Variants in CEP112 observed in about 807,000 individuals in gnomAD.
CEP112 encodes centrosomal protein 112.
A neutral mutation model predicts 153.0 loss-of-function variants in CEP112; 127 were observed. The ratio of observed to expected loss-of-function variants is 0.83; its 90% CI spans 0.72 to 0.96. The LOEUF is 0.96. CEP112 is among the 40% of genes least tolerant of loss of function. CEP112 has a pLI of 0.00. For synonymous variants in CEP112, 358 were observed against 374.4 expected, an observed-to-expected ratio of 0.96 and a Z score of 0.51; for missense variants, 1,089 against 1,101.2, an observed-to-expected ratio of 0.99 and a Z score of 0.16.
At chr17:65,776,090 A>G (rs963487771) in intron 21 of CEP112, among the ~76,000 whole-genome samples, 6 of 152,210 alleles carry the variant, frequency 3.9e-5, no homozygotes, top group African/African-American at 1.4e-4. Flanking sequence ...GTCTCACACA[A>G]GTCGCTGGAC....
chr17:65,970,275 G>A lies in CEP112; in HGVS notation c.1737-8677C>T, dbSNP rs1302064198. Among the ~76,000 whole-genome samples, 3 of 151,594 alleles carry A rather than the reference G, an allele frequency of 2.0e-5. No homozygotes were observed. In the East Asian group the frequency reaches 5.9e-4, roughly 30 times the overall value. On this transcript the variant is annotated intron_variant, in intron 17 of 26. Coordinates refer to ENST00000535342, the MANE Select transcript of CEP112 (RefSeq NM_001199165.4). The stretch of plus-strand genomic sequence containing the variant: ...CATGTTGCACACATATTACATGCAT[G>A]TATGTAGCATGGATGTCATACTGCA...
At chr17:65,678,564 T>C (rs908770212) in intron 24 of CEP112, among the ~76,000 whole-genome samples, 1 of 152,176 alleles carries the variant, frequency 6.6e-6, no homozygotes, top group Non-Finnish European at 1.5e-5. Flanking sequence ...ATTCTAAGAA[T>C]AGAAGATGAG....
chr17:66,151,519 C>T (rs1170292997), intron 4 of CEP112, among the ~76,000 whole-genome samples: 1 of 152,078 alleles, frequency 6.6e-6, no homozygotes, highest in Admixed American at 6.5e-5. Context: ...AAACAGAATC[C>T]GACAAAAGTG....
At chr17:65,935,851 A>C (rs1283772862) in intron 18 of CEP112, among the ~76,000 whole-genome samples, 1 of 152,036 alleles carries the variant, frequency 6.6e-6, no homozygotes, top group African/African-American at 2.4e-5. Flanking sequence ...GAACTAAAAA[A>C]AAGGAAAAAT....
intron 4 of CEP112, among the ~76,000 whole-genome samples, chr17:66,142,835 T>A (rs2070765432): frequency 6.6e-6 from 1 of 152,166 alleles, no homozygotes; most frequent in African/African-American, 2.4e-5. Flanking sequence ...CTATTTGGAG[T>A]CTTTTGTGAT....
intron 4 of CEP112, among the ~76,000 whole-genome samples, chr17:66,152,987 C>T (rs527556726): frequency 2.6e-4 from 40 of 152,256 alleles, no homozygotes; most frequent in South Asian, 8.3e-4. Flanking sequence ...TGAGATACCA[C>T]TGCATACCAA....
chr17:65,865,064 C>A (rs1258216929), intron 20 of CEP112, among the ~76,000 whole-genome samples: 2 of 151,544 alleles, frequency 1.3e-5, no homozygotes. Context: ...TTTTTTGAGA[C>A]AGGGTCTCAC....
intron 12 of CEP112, among the ~76,000 whole-genome samples, chr17:66,052,339 T>C (rs1156993102): frequency 6.6e-6 from 1 of 152,160 alleles, no homozygotes; most frequent in East Asian, 1.9e-4. Context: ...TTTGTATCAG[T>C]AACAAGACTG....
At chr17:65,914,319 A>G (rs970604849) in intron 19 of CEP112, among the ~76,000 whole-genome samples, 6 of 151,342 alleles carry the variant, frequency 4.0e-5, no homozygotes, top group Non-Finnish European at 7.4e-5. Flanking sequence ...TAAGTTTGCC[A>G]GCTACAGTTC....
intron 24 of CEP112, among the ~76,000 whole-genome samples, chr17:65,650,850 G>A (rs2045730169): frequency 6.6e-6 from 1 of 151,734 alleles, no homozygotes; most frequent in African/African-American, 2.4e-5. Context: ...GGAGGTTGCA[G>A]TGAGCCAAGA....
intron 8 of CEP112, among the ~76,000 whole-genome samples, chr17:66,076,528 AT>A (rs1421273975): frequency 6.6e-6 from 1 of 152,024 alleles, no homozygotes; most frequent in African/African-American, 2.4e-5. Flanking sequence ...CCTCACCCCT[AT>A]CCCCCACAGC....
chr17:66,012,982 T>G (rs1383149699), intron 16 of CEP112, among the ~76,000 whole-genome samples: 2 of 152,220 alleles, frequency 1.3e-5, no homozygotes, highest in African/African-American at 2.4e-5. Context: ...CTTCAAGTTC[T>G]GATATTCTTT....
chr17:65,806,620 G>A (rs764622096), intron 21 of CEP112, among the ~76,000 whole-genome samples: 1 of 152,210 alleles, frequency 6.6e-6, no homozygotes, highest in African/African-American at 2.4e-5. Flanking sequence ...TCTTGTGATA[G>A]TGAGTGAGTT....
intron 4 of CEP112, among the ~76,000 whole-genome samples, chr17:66,170,726 G>A (rs1028623353): frequency 1.4e-4 from 22 of 151,744 alleles, no homozygotes; most frequent in Non-Finnish European, 2.5e-4. Flanking sequence ...CTGTGCCACT[G>A]TACTCTAGCC....
At chr17:66,059,592 A>G (rs2066841366) in intron 11 of CEP112, among the ~76,000 whole-genome samples, 1 of 152,234 alleles carries the variant, frequency 6.6e-6, no homozygotes, top group African/African-American at 2.4e-5. Flanking sequence ...TCAAAACCAC[A>G]ATGAGATACC....
intron 4 of CEP112, among the ~76,000 whole-genome samples, chr17:66,159,872 A>G (rs1045668399): frequency 6.6e-6 from 1 of 152,200 alleles, no homozygotes; most frequent in Non-Finnish European, 1.5e-5. Context: ...AAGAGAAAGA[A>G]ATAAAGGGTA....
At chr17:66,060,940 G>A (rs1346067844) in intron 11 of CEP112, among the ~76,000 whole-genome samples, 1 of 127,770 alleles carries the variant, frequency 7.8e-6, no homozygotes, top group Non-Finnish European at 1.8e-5. Flanking sequence ...AAAAGCTTCT[G>A]CATGGAAAAA....
At chr17:65,639,916 C>T (rs927962523) in intron 25 of CEP112, among the ~76,000 whole-genome samples, 1 of 141,864 alleles carries the variant, frequency 7.0e-6, no homozygotes, top group African/African-American at 2.6e-5. Context: ...CGGCTCACTG[C>T]AACCTCCGCG....
intron 1 of CEP112, among the ~76,000 whole-genome samples, chr17:66,186,404 G>T (rs2072938636): frequency 6.6e-6 from 1 of 151,882 alleles, no homozygotes; most frequent in African/African-American, 2.4e-5. Context: ...CGGGTTCAAG[G>T]GATTCTCCTG....
Sources: allele counts gnomAD v4.1 joint callset (sites outside exome capture counted in the v4.1 genomes callset), GRCh38; gene constraint gnomAD v4.1.1; transcripts MANE v1.5; gene names NCBI Gene and HGNC (gene_info 2026-07-23, HGNC 2026-07-21).